Variants in ZCCHC10 observed in about 807,000 individuals in gnomAD.
ZCCHC10 encodes zinc finger CCHC domain-containing protein 10.
ZCCHC10 carries 16 observed loss-of-function variants against 19.5 expected under a neutral mutation model. The ratio of observed to expected loss-of-function variants is 0.82; its 90% CI spans 0.56 to 1.25. The LOEUF (loss-of-function observed/expected upper bound fraction) is 1.25, where lower values mean the gene tolerates loss of function less well. Ranked by LOEUF, ZCCHC10 falls within the 50% of genes most tolerant of loss-of-function variation. ZCCHC10 has a pLI of 0.00. For missense variants in ZCCHC10, 197 were observed against 201.0 expected, an observed-to-expected ratio of 0.98 and a Z score of 0.12; for synonymous variants, 67 against 72.5, an observed-to-expected ratio of 0.92 and a Z score of 0.38.
chr5:133,025,900 GA>G (rs1764670570), intron 1 of ZCCHC10, among the ~76,000 whole-genome samples: 1 of 152,190 alleles, frequency 6.6e-6, no homozygotes, highest in Admixed American at 6.6e-5. Context: ...TAAGCTCTCT[GA>G]AAGCAAGGAT....
At chr5:133,016,936 G>GC (rs1178442353) in intron 2 of ZCCHC10, among the ~76,000 whole-genome samples, 177 of 150,140 alleles carry the variant, frequency 1.2e-3, no homozygotes, top group Middle Eastern at 3.4e-3. Context: ...TGCCAGGCAG[G>GC]CCCCCCCCAG....
At chr5:133,000,038 G>A (rs1247588620) in intron 4 of ZCCHC10, 94 bp downstream of exon 4, 3 of 1,400,536 alleles carry the variant, frequency 2.1e-6, no homozygotes, top group Non-Finnish European at 2.0e-6. Flanking sequence ...ATGAGCCACT[G>A]CATCTGGCAT....
At chr5:133,012,369 G>A (rs1446373326) in intron 2 of ZCCHC10, among the ~76,000 whole-genome samples, 3 of 151,406 alleles carry the variant, frequency 2.0e-5, no homozygotes, top group Non-Finnish European at 4.4e-5. Context: ...TTGGGAGGCT[G>A]AGGCAGGAGA....
At chr5:133,005,682 T>C (rs998587530) in intron 3 of ZCCHC10, among the ~76,000 whole-genome samples, 1 of 152,168 alleles carries the variant, frequency 6.6e-6, no homozygotes, top group Non-Finnish European at 1.5e-5. Context: ...TAGGTTTTTA[T>C]ACGTGAGGAC....
intron 2 of ZCCHC10, among the ~76,000 whole-genome samples, chr5:133,016,802 G>C (rs1439724244): frequency 1.3e-5 from 2 of 152,040 alleles, no homozygotes; most frequent in Non-Finnish European, 2.9e-5. Context: ...ATCCTTAATA[G>C]ATTACTTATT....
chr5:133,023,626 T>C (rs189709866), intron 1 of ZCCHC10, among the ~76,000 whole-genome samples: 104 of 151,928 alleles, frequency 6.8e-4, no homozygotes, highest in African/African-American at 2.1e-3. Context: ...AATACAAAAT[T>C]AGCCAGGCGG....
At position 132,998,841 on chromosome 5, in the gene ZCCHC10, A is replaced by G; in HGVS notation, c.321T>C (p.Ser107=). ...TGCTACTGCTACTGGAACTGGTTAC[A>G]CTCTTAGACCTATTAGACAATACAG... is the stretch of plus-strand genomic sequence containing the variant. ...ERKAKKKRSK[S]VTSSSSSSSD... is the part of the protein sequence containing the mutation. Residue 107 remains serine (S), a synonymous_variant, in exon 5 of 5, where the codon AGT becomes AGC. Transcript: ENST00000509437. 4.3e-6 allele frequency: 7 copies of G among 1,614,060 alleles called. No homozygotes were observed. The highest frequency in any genetic ancestry group is 5.9e-6 in the Non-Finnish European group (7 of 1,180,000).
At chr5:133,021,561 CT>C (rs914808742) in intron 2 of ZCCHC10, among the ~76,000 whole-genome samples, 2 of 152,118 alleles carry the variant, frequency 1.3e-5, no homozygotes, top group African/African-American at 4.8e-5. Flanking sequence ...ATCGCAGCAG[CT>C]TTTGGTAAGC....
At chr5:133,026,275 C>A (rs540836547) in intron 1 of ZCCHC10, among the ~76,000 whole-genome samples, 1 of 152,344 alleles carries the variant, frequency 6.6e-6, no homozygotes, top group East Asian at 1.9e-4. Context: ...TCTTCAAACC[C>A]CGCTCTGTCC....
chr5:133,000,225 A>T, intron 3 of ZCCHC10, 52 bp from the exon 4 acceptor site: 1 of 1,595,758 alleles, frequency 6.3e-7, no homozygotes, highest in East Asian at 2.2e-5. Context: ...GATTATACAC[A>T]GCTCAGACAA....
intron 3 of ZCCHC10, among the ~76,000 whole-genome samples, chr5:133,004,557 G>A (rs975809413): frequency 2.0e-5 from 3 of 151,676 alleles, no homozygotes; most frequent in Admixed American, 1.3e-4. Context: ...GCGCGATCTC[G>A]GCTCCCTTGC....
At chr5:133,011,636 A>AG (rs1342000565) in intron 2 of ZCCHC10, among the ~76,000 whole-genome samples, 3 of 151,056 alleles carry the variant, frequency 2.0e-5, no homozygotes, top group Admixed American at 6.6e-5. Context: ...AAAAAAAAAA[A>AG]AAAAAAAAAA....
At chr5:133,024,507 C>A (rs140053733) in intron 1 of ZCCHC10, among the ~76,000 whole-genome samples, 1 of 152,172 alleles carries the variant, frequency 6.6e-6, no homozygotes, top group Non-Finnish European at 1.5e-5. Flanking sequence ...GAGCCAACAA[C>A]GAAAGAGCAA....
intron 3 of ZCCHC10, among the ~76,000 whole-genome samples, chr5:133,002,810 C>T (rs1762857845): frequency 6.6e-6 from 1 of 151,864 alleles, no homozygotes; most frequent in African/African-American, 2.4e-5. Flanking sequence ...ACCTCTGCCT[C>T]CTGGGTTCAA....
chr5:133,007,384 T>G (rs929558199), intron 2 of ZCCHC10, among the ~76,000 whole-genome samples: 2 of 151,650 alleles, frequency 1.3e-5, no homozygotes, highest in African/African-American at 2.4e-5. Context: ...CCACTAAAAA[T>G]ACAAAAAAAT....
intron 3 of ZCCHC10, among the ~76,000 whole-genome samples, chr5:133,001,856 T>C (rs1762793208): frequency 6.6e-6 from 1 of 152,092 alleles, no homozygotes; most frequent in Non-Finnish European, 1.5e-5. Context: ...GTAAAGTTTT[T>C]TACACAATGG....
At chr5:133,020,360 C>T (rs910196679) in intron 2 of ZCCHC10, among the ~76,000 whole-genome samples, 14 of 152,056 alleles carry the variant, frequency 9.2e-5, no homozygotes, top group African/African-American at 3.1e-4. Flanking sequence ...ATGAGAATCA[C>T]TTGAGCCTGG....
chr5:133,009,310 GTC>G (rs1435182791), intron 2 of ZCCHC10, among the ~76,000 whole-genome samples: 1 of 151,342 alleles, frequency 6.6e-6, no homozygotes, highest in Non-Finnish European at 1.5e-5. Context: ...GCCTGATTCT[GTC>G]TCTTAAAAAA....
At chr5:133,008,847 A>T (rs1763307000) in intron 2 of ZCCHC10, among the ~76,000 whole-genome samples, 1 of 151,756 alleles carries the variant, frequency 6.6e-6, no homozygotes, top group South Asian at 2.1e-4. Flanking sequence ...CCCTGTCTCT[A>T]AAAAAAACTA....
Sources: allele counts gnomAD v4.1 joint callset (sites outside exome capture counted in the v4.1 genomes callset), GRCh38; gene constraint gnomAD v4.1.1; transcripts MANE v1.5; gene names NCBI Gene and HGNC (gene_info 2026-07-23, HGNC 2026-07-21).